SFSWAP: variants seen among roughly 807,000 people sequenced by gnomAD.
SFSWAP encodes the protein splicing factor, suppressor of white-apricot homolog.
Under a neutral mutation model 100.7 loss-of-function variants are expected in SFSWAP, and 17 were observed. The observed-to-expected ratio is 0.17, with a 90% CI of 0.12 to 0.25. The LOEUF (loss-of-function observed/expected upper bound fraction) is 0.25, where lower values mean the gene tolerates loss of function less well. SFSWAP is among the 10% of genes least tolerant of loss of function. The probability of loss-of-function intolerance (pLI) is 1.00; values close to 1 mark genes in which losing one functional copy is unlikely to be tolerated. For missense variants in SFSWAP, 1,005 were observed against 1,262.6 expected (o/e 0.80, Z 3.09); for synonymous variants, 504 against 510.1 (o/e 0.99, Z 0.16).
At position 131,786,576 on chromosome 12, in the gene SFSWAP, G is replaced by T; in HGVS notation, c.2522G>T (p.Arg841Leu). 6.3e-7 allele frequency: 1 copy of T among 1,589,996 alleles called. No homozygotes were observed. The highest frequency in any genetic ancestry group is 2.3e-5 in the East Asian group (1 of 43,966). Reference sequence around the variant, plus strand: ...CGCAGCCCTGGGGCCAGTAGGAAGCGGACCCGCTCCAGGTAGGCCACTGGG... The same window carrying T: ...CGCAGCCCTGGGGCCAGTAGGAAGCTGACCCGCTCCAGGTAGGCCACTGGG... The part of the protein sequence containing the change: ...VSRSPGASRK[R>L]TRSRSPHEKK... Residue 841 changes from arginine (R) to leucine (L), a missense_variant, in exon 15 of 18, where the codon CGG (arginine) becomes CTG (leucine). Coordinates refer to ENST00000261674, the MANE Select transcript of SFSWAP (RefSeq NM_004592.4).
chr12:131,744,783 G>A (rs1381114381), intron 7 of SFSWAP, among the ~76,000 whole-genome samples: 1 of 152,176 alleles, frequency 6.6e-6, no homozygotes, highest in Non-Finnish European at 1.5e-5. Flanking sequence ...AGAAAAAGAG[G>A]TTTAATGGAC....
At chr12:131,766,446 G>C (rs1285081167) in intron 13 of SFSWAP, 138 bp downstream of exon 13, 46 of 790,464 alleles carry the variant, frequency 5.8e-5, no homozygotes, top group Admixed American at 2.2e-4. Flanking sequence ...CGACATGGTT[G>C]AGTGGCTTTT....
At chr12:131,729,081 C>A (rs1256078561) in intron 7 of SFSWAP, among the ~76,000 whole-genome samples, 3 of 152,178 alleles carry the variant, frequency 2.0e-5, no homozygotes, top group Non-Finnish European at 4.4e-5. Context: ...GTCACATGGT[C>A]TCCCCACTCA....
Position 131,711,494 on chromosome 12 carries a change from T to C in SFSWAP, c.218+47T>C. 1 of 1,489,718 alleles carries C rather than the reference T, an allele frequency of 6.7e-7. No homozygotes were observed. Among genetic ancestry groups the C allele is most frequent in the Non-Finnish European group, 9.3e-7 (1 of 1,072,518 alleles). The allele number at this position is 1,489,718 out of a possible 1,614,324, so 92.3% of individuals were successfully genotyped here. A position where few individuals can be genotyped will look rare whatever the true frequency, so the allele number is the denominator to read the frequency against. On this transcript the variant is annotated intron_variant, in intron 1 of 17. Transcript: ENST00000261674. The surrounding 1 kb of genome is among the most constrained non-coding windows in gnomAD (Gnocchi z 4.9). The stretch of plus-strand genomic sequence containing the variant: ...TCGATCCTTCCCTTCCCTCACCCGC[T>C]TGATCTCGTCTGATGTTGACTTGAC...
At chr12:131,753,572 A>C in intron 8 of SFSWAP, 2 of 627,368 alleles carry the variant, frequency 3.2e-6, no homozygotes, top group Non-Finnish European at 5.3e-6. Context: ...TTGAAGTTAA[A>C]CCACTTATAA....
chr12:131,714,403 C>T lies in SFSWAP; in HGVS notation c.388+163C>T. On this transcript the variant is annotated intron_variant, in intron 2 of 17. Transcript: ENST00000261674. This position sits in a 1 kb window ranked among gnomAD's most constrained non-coding sequence, Gnocchi z 6.0. ...GAGTCTTTGCGTTCTGAGAGGACCT[C>T]AGGATAGTTTATATATAGAGCCACA... 1.6e-6 allele frequency: 1 copy of T among 617,526 alleles called. No individual in the cohort carries two copies. Among genetic ancestry groups the T allele is most frequent in the South Asian group, 2.3e-5 (1 of 43,448 alleles). 38.3% of individuals were successfully genotyped at this position (617,526 alleles called of 1,614,324 possible).
intron 13 of SFSWAP, among the ~76,000 whole-genome samples, chr12:131,776,833 G>A (rs1254275831): frequency 6.6e-6 from 1 of 152,190 alleles, no homozygotes; most frequent in Non-Finnish European, 1.5e-5. Context: ...CACTTGAAGT[G>A]AGGAGAGAGT....
chr12:131,718,094 A>T (rs1878102999), intron 3 of SFSWAP, among the ~76,000 whole-genome samples: 2 of 152,236 alleles, frequency 1.3e-5, no homozygotes, highest in African/African-American at 2.4e-5. Flanking sequence ...GACTCAAACA[A>T]ATGGATGGGA....
intron 12 of SFSWAP, 37 bp from the exon 13 acceptor site, chr12:131,766,081 C>T: frequency 6.4e-7 from 1 of 1,570,330 alleles, no homozygotes; most frequent in Non-Finnish European, 8.6e-7. Flanking sequence ...ATACTGTTTG[C>T]TCTAAACTTC....
chr12:131,799,196 T>C, intron 17 of SFSWAP, 87 bp downstream of exon 17: 1 of 1,163,150 alleles, frequency 8.6e-7, no homozygotes, highest in East Asian at 2.4e-5. Context: ...TCCCTGTCCC[T>C]CCTGTCCCTG....
At chr12:131,750,100 C>T (rs1036298928) in intron 7 of SFSWAP, among the ~76,000 whole-genome samples, 5 of 152,224 alleles carry the variant, frequency 3.3e-5, no homozygotes, top group African/African-American at 1.2e-4. Flanking sequence ...CTCCAGATGA[C>T]TTGTGCCCGT....
At chr12:131,756,447 A>G (rs1882167322) in intron 10 of SFSWAP, 26 bp from the exon 11 acceptor site, 3 of 1,607,246 alleles carry the variant, frequency 1.9e-6, no homozygotes, top group Non-Finnish European at 1.7e-6. Flanking sequence ...TCCTGCTGAC[A>G]GTTTATAGTG....
rs753628779 is a variant in SFSWAP at position 131,797,182 on chromosome 12, C to T, written c.2539C>T (p.Pro847Ser). Residue 847 changes from proline to serine, a missense_variant, in exon 16 of 18, where the codon CCC (proline) becomes TCC (serine). This residue lies in a region of SFSWAP where 295 missense variants were observed against 347.9 expected (regional missense o/e 0.85). Transcript: ENST00000261674. ...ACAGAAACTCTTGCCTTTCAGAAGTCCCCACGAGAAGAAGAAGAAGAGGCG... is the reference window on the plus strand; with the variant it reads ...ACAGAAACTCTTGCCTTTCAGAAGTTCCCACGAGAAGAAGAAGAAGAGGCG... ...ASRKRTRSRS[P>S]HEKKKKRRSR... The T allele has an allele frequency of 6.2e-7, 1 of 1,608,048 alleles. No individual in the cohort carries two copies. Among genetic ancestry groups the T allele is most frequent in the Non-Finnish European group, 8.5e-7 (1 of 1,179,196 alleles).
At position 131,719,530 on chromosome 12, in the gene SFSWAP, C is replaced by A. The variant is rs762137466; in HGVS notation, c.597C>A (p.Asp199Glu). The A allele has an allele frequency of 6.2e-7, 1 of 1,612,846 alleles. No individual in the cohort carries two copies. The highest frequency in any genetic ancestry group is 1.7e-5 in the Admixed American group (1 of 59,998). Residue 199 changes from aspartate (D) to glutamate (E), a missense_variant, in exon 4 of 18, where the codon GAC (aspartate) becomes GAA (glutamate). Physicochemically the swap from Asp to Glu is conservative, Grantham distance 45. This residue lies in a region of SFSWAP where 237 missense variants were observed against 337.0 expected (regional missense o/e 0.70). Coordinates refer to ENST00000261674, the MANE Select transcript of SFSWAP (RefSeq NM_004592.4). ...VAPLGLSVPS[D>E]VELPPTAKMH... The stretch of plus-strand genomic sequence containing the variant: ...CCTTAGGATTGAGCGTCCCGTCTGA[C>A]GTGGAGTTGGTATGTGTCCTGCATG...
At chr12:131,792,176 T>G (rs1885290714) in intron 15 of SFSWAP, among the ~76,000 whole-genome samples, 1 of 150,058 alleles carries the variant, frequency 6.7e-6, no homozygotes, top group Non-Finnish European at 1.5e-5. Flanking sequence ...CCGTGTGTGT[T>G]CACAGATCAT....
At chr12:131,712,878 C>T (rs896668414) in intron 1 of SFSWAP, 1 of 152,180 alleles carries the variant, frequency 6.6e-6, no homozygotes, top group Non-Finnish European at 1.5e-5. Flanking sequence ...TCCTATCATT[C>T]TGTACATGAT....
chr12:131,772,002 C>T (rs1883652493), intron 13 of SFSWAP, among the ~76,000 whole-genome samples: 1 of 152,196 alleles, frequency 6.6e-6, no homozygotes, highest in Admixed American at 6.5e-5. Context: ...GCCTTTTGAA[C>T]TGGCTTTCCC....
chr12:131,771,860 A>G (rs2136246174), intron 13 of SFSWAP, among the ~76,000 whole-genome samples: 1 of 152,018 alleles, frequency 6.6e-6, no homozygotes, highest in South Asian at 2.1e-4. Context: ...ACAGGGTTTC[A>G]CCATGTTGGC....
Position 131,722,462 on chromosome 12 carries a change from G to A in SFSWAP, c.606+2923G>A, listed in dbSNP as rs900779187. Among the ~76,000 whole-genome samples, 6 of 152,042 alleles carry A rather than the reference G, an allele frequency of 3.9e-5. No individual in the cohort carries two copies. In the South Asian group the frequency reaches 6.3e-4, roughly 16 times the overall value. On this transcript the variant is annotated intron_variant, in intron 4 of 17. Coordinates refer to ENST00000261674, the MANE Select transcript of SFSWAP (RefSeq NM_004592.4). ...CCTGTAGTCCCAGACCTGTTAGGGC[G>A]CAGTTCCAAGGGAAATGTGCTTGCT...
Sources: gnomAD v4.1 joint callset for allele counts (sites outside exome capture counted in the v4.1 genomes callset) on GRCh38, gnomAD v4.1.1 for gene constraint, gnomAD v4.1.1 regional missense constraint, Gnocchi (gnomAD v3.1) non-coding constraint, MANE v1.5 for transcripts, NCBI Gene and HGNC (gene_info 2026-07-23, HGNC 2026-07-21) for gene names.